TUBGCP3: variants seen among roughly 807,000 people sequenced by gnomAD.
TUBGCP3 encodes gamma-tubulin complex component 3.
Under a neutral mutation model 123.1 loss-of-function variants are expected in TUBGCP3, and 50 were observed. The ratio of observed to expected loss-of-function variants is 0.41; its 90% confidence interval spans 0.32 to 0.51. The LOEUF (loss-of-function observed/expected upper bound fraction) is 0.51. Among genes scored for constraint, TUBGCP3 ranks in the 20% least tolerant of loss-of-function variants. TUBGCP3 has a pLI of 0.36. For missense variants in TUBGCP3, 882 were observed against 1,127.0 expected (o/e 0.78, Z 3.11); for synonymous variants, 405 against 413.9 (o/e 0.98, Z 0.26).
intron 17 of TUBGCP3, among the ~76,000 whole-genome samples, chr13:112,510,311 G>C (rs1881593893): frequency 6.6e-6 from 1 of 152,194 alleles, no homozygotes; most frequent in African/African-American, 2.4e-5. Flanking sequence ...ATCGAGTACT[G>C]CTAAACATGA....
chr13:112,562,965 C>T (rs900980503), intron 3 of TUBGCP3, among the ~76,000 whole-genome samples: 114 of 152,346 alleles, frequency 7.5e-4, no homozygotes, highest in African/African-American at 2.6e-3. Context: ...CATGCCGCCA[C>T]AGCACCTGCA....
intron 19 of TUBGCP3, among the ~76,000 whole-genome samples, chr13:112,503,811 T>C (rs979772384): frequency 1.3e-5 from 2 of 152,262 alleles, no homozygotes; most frequent in African/African-American, 4.8e-5. Flanking sequence ...CTACCATTTT[T>C]ACATCCAGTT....
chr13:112,569,086 C>T (rs969526030), intron 2 of TUBGCP3, 66 bp downstream of exon 2: 19 of 1,479,684 alleles, frequency 1.3e-5, no homozygotes, highest in African/African-American at 6.9e-5. Context: ...CACATGCATA[C>T]ATACATCTGC....
chr13:112,598,673 G>A, the TUBGCP3 span, among the ~76,000 whole-genome samples: 1 of 152,124 alleles, frequency 6.6e-6, no homozygotes, highest in Admixed American at 6.6e-5. Context: ...CGCCGGGTAC[G>A]GTGGCTCATG....
the TUBGCP3 span, among the ~76,000 whole-genome samples, chr13:112,594,521 A>C: frequency 1.3e-5 from 2 of 152,164 alleles, no homozygotes; most frequent in African/African-American, 4.8e-5. Context: ...AGTTTCAGAG[A>C]ATCATCTTTT....
chr13:112,512,188 A>T (rs1040560701), intron 17 of TUBGCP3, among the ~76,000 whole-genome samples: 1 of 152,214 alleles, frequency 6.6e-6, no homozygotes, highest in Non-Finnish European at 1.5e-5. Context: ...TGGGAGGCCA[A>T]GGCGGGCAGA....
chr13:112,550,915 A>T (rs540465764), intron 8 of TUBGCP3, among the ~76,000 whole-genome samples: 2 of 152,148 alleles, frequency 1.3e-5, no homozygotes, highest in African/African-American at 4.8e-5. Flanking sequence ...TGGCTAACAC[A>T]GTGAAACCCC....
chr13:112,571,499 A>G (rs1426260395), intron 1 of TUBGCP3, among the ~76,000 whole-genome samples: 1 of 152,188 alleles, frequency 6.6e-6, no homozygotes, highest in East Asian at 1.9e-4. Context: ...GCACAGGAAG[A>G]GTAGATTTAG....
intron 3 of TUBGCP3, among the ~76,000 whole-genome samples, chr13:112,560,227 G>A (rs557994299): frequency 8.6e-5 from 13 of 151,136 alleles, no homozygotes; most frequent in African/African-American, 1.5e-4. Context: ...TCAGGAGATC[G>A]AGACCATCCC....
intron 10 of TUBGCP3, 187 bp downstream of exon 10, chr13:112,547,433 G>A (rs949468230): frequency 9.9e-6 from 10 of 1,007,364 alleles, no homozygotes; most frequent in Middle Eastern, 3.5e-4. Context: ...GGACAAAAAC[G>A]GGCAGGACAC....
At chr13:112,577,230 AAG>A (rs1408350755) in intron 1 of TUBGCP3, among the ~76,000 whole-genome samples, 1 of 152,202 alleles carries the variant, frequency 6.6e-6, no homozygotes, top group East Asian at 1.9e-4. Flanking sequence ...GGCAGAAAAA[AAG>A]AGTCACTCAC....
At chr13:112,595,793 T>G in the TUBGCP3 span, among the ~76,000 whole-genome samples, 1 of 152,250 alleles carries the variant, frequency 6.6e-6, no homozygotes, top group Non-Finnish European at 1.5e-5. Context: ...TTAGACCATT[T>G]ACATTTGATG....
chr13:112,547,876 T>TA (rs918172451), intron 9 of TUBGCP3, 124 bp from the exon 10 acceptor site: 1,167 of 1,107,942 alleles, frequency 1.1e-3, no homozygotes, highest in South Asian at 1.6e-3. Flanking sequence ...AAGTCCCCTT[T>TA]AAAAAAAAAT....
Position 112,504,068 on chromosome 13 carries a change from G to A in TUBGCP3, c.2271C>T (p.Thr757=). ...IIAAHEVFLD[T]IISRCLLDSD... Reference sequence around the variant, plus strand: ...TGTCCAGCAGGCAGCGGGAGATGATGGTGTCTAAGAACACCTCGTGTGCAG... The same window carrying A: ...TGTCCAGCAGGCAGCGGGAGATGATAGTGTCTAAGAACACCTCGTGTGCAG... Residue 757 remains threonine, a synonymous_variant, in exon 19 of 22, where the codon ACC becomes ACT. Coordinates refer to ENST00000261965, the MANE Select transcript of TUBGCP3 (RefSeq NM_006322.6). 6.2e-7 allele frequency: 1 copy of A among 1,613,980 alleles called. No individual in the cohort carries two copies. The highest frequency in any genetic ancestry group is 8.5e-7 in the Non-Finnish European group (1 of 1,179,946).
intron 20 of TUBGCP3, among the ~76,000 whole-genome samples, chr13:112,496,768 T>C (rs1237577416): frequency 6.6e-6 from 1 of 152,008 alleles, no homozygotes; most frequent in East Asian, 1.9e-4. Context: ...GGGCGGATCA[T>C]GAGGTCAGGA....
intron 17 of TUBGCP3, among the ~76,000 whole-genome samples, chr13:112,512,258 C>A (rs139806842): frequency 6.6e-6 from 1 of 151,584 alleles, no homozygotes; most frequent in East Asian, 2.0e-4. Flanking sequence ...CCCATCTCTG[C>A]TACAAATATT....
At chr13:112,603,661 G>A in the TUBGCP3 span, 1 of 152,282 alleles carries the variant, frequency 6.6e-6, no homozygotes, top group Non-Finnish European at 1.5e-5. Flanking sequence ...GGAAGGCAGA[G>A]GTTGCAGTGA....
At chr13:112,505,851 C>T (rs574682901) in intron 17 of TUBGCP3, among the ~76,000 whole-genome samples, 19 of 152,294 alleles carry the variant, frequency 1.2e-4, no homozygotes, top group South Asian at 8.3e-4. Flanking sequence ...TCTCCAGGGA[C>T]GCGCCGTGCA....
At chr13:112,549,893 G>A (rs912288639) in intron 8 of TUBGCP3, among the ~76,000 whole-genome samples, 1 of 151,218 alleles carries the variant, frequency 6.6e-6, no homozygotes, top group Non-Finnish European at 1.5e-5. Flanking sequence ...AGGAGGCTGA[G>A]GCAGGAGAAT....
Sources: gnomAD v4.1 joint callset for allele counts (sites outside exome capture counted in the v4.1 genomes callset) on GRCh38, gnomAD v4.1.1 for gene constraint, MANE v1.5 for transcripts, NCBI Gene and HGNC (gene_info 2026-07-23, HGNC 2026-07-21) for gene names.